The following SH2B1 variants were observed in gnomAD, a reference collection of about 807,000 sequenced individuals.
The protein encoded by SH2B1 is SH2B adapter protein 1.
In SH2B1, 15 loss-of-function variants were observed where a neutral mutation model predicts 62.6. That is an observed-to-expected ratio of 0.24 (90% CI 0.16 to 0.37). The LOEUF is 0.37. Among genes scored for constraint, SH2B1 ranks in the 10% least tolerant of loss-of-function variants. SH2B1 has a pLI of 1.00. For synonymous variants in SH2B1, 443 were observed against 438.0 expected, an observed-to-expected ratio of 1.01 and a Z score of -0.14; for missense variants, 925 against 1,015.6, an observed-to-expected ratio of 0.91 and a Z score of 1.21.
At position 28,872,893 on chromosome 16, in the gene SH2B1, A is replaced by G. The variant is rs1421723496; in HGVS notation, c.1897+188A>G. 2 of 798,406 alleles carry G rather than the reference A, an allele frequency of 2.5e-6. No individual in the cohort carries two copies. The highest frequency in any genetic ancestry group is 3.4e-5 in the African/African-American group (2 of 58,202). 49.5% of individuals were successfully genotyped at this position (798,406 alleles called of 1,614,324 possible). ...AGAAATGCGCTGATAGGACACAGGA[A>G]GGCAGAAGGCTCCTGGCCGGAGCCG... On this transcript the variant is annotated intron_variant, in intron 7 of 7. Transcript: ENST00000684370. The surrounding 1 kb of genome is among the most constrained non-coding windows in gnomAD (Gnocchi z 5.3).
chr16:28,852,691 TTTA>T (rs1386914370), intron 1 of SH2B1, among the ~76,000 whole-genome samples: 1 of 80,842 alleles, frequency 1.2e-5, no homozygotes, highest in Non-Finnish European at 2.2e-5. Flanking sequence ...TACATATATA[TTTA>T]TATATATACA....
At chr16:28,867,860 G>T (rs987004522) in intron 2 of SH2B1, among the ~76,000 whole-genome samples, 2 of 152,188 alleles carry the variant, frequency 1.3e-5, no homozygotes, top group Non-Finnish European at 2.9e-5. Context: ...ATAGAGCCTT[G>T]CTCTGCCGCA....
upstream of SH2B1, chr16:28,863,412 C>G (rs1346780330): frequency 2.4e-6 from 1 of 422,222 alleles, no homozygotes; most frequent in Non-Finnish European, 4.3e-6. Flanking sequence ...TCGCTCAGCT[C>G]CTTGGTGGCG....
rs1415203713 is a variant in SH2B1, at chr16:28,864,134, T to G, written c.-1961T>G. 1.4e-5 allele frequency: 17 copies of G among 1,191,882 alleles called. No homozygotes were observed. Among genetic ancestry groups the G allele is most frequent in the Non-Finnish European group, 1.8e-5 (17 of 954,204 alleles). The allele number at this position is 1,191,882 out of a possible 1,614,324, so 73.8% of individuals were successfully genotyped here. ...GATGCGGCCCCGGAAAATGGGCGGC[T>G]GGGGGGTGTCCAGGGAGTAGGGTCG... On this transcript the variant is annotated 5_prime_UTR_variant, in exon 1 of 8. Coordinates refer to ENST00000684370, the MANE Select transcript of SH2B1 (RefSeq NM_001387430.1).
In SH2B1 at chr16:28,865,226, C is replaced by CT; in HGVS notation, c.-868dup. On this transcript the variant is annotated 5_prime_UTR_variant, in exon 1 of 8. Transcript: ENST00000684370. ...CAACCCAGTTTCTCCTCTGGGGCCC[C>CT]TGCGGCCTCTGGCCCCAGACTGAAG... The CT allele has an allele frequency of 1.0e-6, 1 of 985,634 alleles. No homozygotes were observed. The highest frequency in any genetic ancestry group is 1.7e-5 in the African/African-American group (1 of 57,374). 61.1% of individuals were successfully genotyped at this position (985,634 alleles called of 1,614,324 possible).
chr16:28,859,872 C>G (rs1002592774), upstream of SH2B1, among the ~76,000 whole-genome samples: 1 of 102,094 alleles, frequency 9.8e-6, no homozygotes, highest in East Asian at 2.7e-4. Flanking sequence ...CAATAGACCC[C>G]CCCCCCCCGG....
At position 28,864,557 on chromosome 16, in the gene SH2B1, G is replaced by C; in HGVS notation, c.-1538G>C. 1 of 985,748 alleles carries C rather than the reference G, an allele frequency of 1.0e-6. No homozygotes were observed. 61.1% of individuals were successfully genotyped at this position (985,748 alleles called of 1,614,324 possible). On this transcript the variant is annotated 5_prime_UTR_variant, in exon 1 of 8. Coordinates refer to ENST00000684370, the MANE Select transcript of SH2B1 (RefSeq NM_001387430.1). ...TTGTAGGGTCGAGGCCCAGGAGGAA[G>C]GGGAGGGTTCACCGACTTACAGCCT... is the stretch of plus-strand genomic sequence containing the variant.
intron 1 of SH2B1, among the ~76,000 whole-genome samples, chr16:28,852,838 ATACATATATAT>A (rs1436625891): frequency 2.1e-5 from 1 of 46,964 alleles, no homozygotes; most frequent in African/African-American, 8.5e-5. Context: ...TTATATATAT[ATACATATATAT>A]ATTTTTATAT....
chr16:28,857,048 C>T (rs916095453), intron 1 of SH2B1, among the ~76,000 whole-genome samples: 12 of 152,110 alleles, frequency 7.9e-5, no homozygotes, highest in African/African-American at 2.9e-4. Flanking sequence ...TTTGGGAGGC[C>T]GAGGTGGGAG....
At chr16:28,856,497 TG>T (rs1962327070) in intron 1 of SH2B1, among the ~76,000 whole-genome samples, 1 of 152,052 alleles carries the variant, frequency 6.6e-6, no homozygotes, top group African/African-American at 2.4e-5. Flanking sequence ...ATCTACAAAT[TG>T]GGGGTGGAGG....
rs757325303 is a variant in SH2B1, at chr16:28,871,817, C to T, written c.1347C>T (p.Ser449=). ...GCCTCTCAGACCGCCCCTCGGCATC[C>T]ATCTCCCCCAGCTCTGCCTCCATTG... ...YGGLSDRPSA[S]ISPSSASIAA... The change falls in exon 5 of 8, where the codon TCC becomes TCT. Residue 449 remains serine, a synonymous_variant. Coordinates refer to ENST00000684370, the MANE Select transcript of SH2B1 (RefSeq NM_001387430.1). 5 of 1,613,986 alleles carry T rather than the reference C, an allele frequency of 3.1e-6. No homozygotes were observed. In the African/African-American group the frequency reaches 4.0e-5, roughly 13 times the overall value.
chr16:28,859,550 A>T (rs572465513), upstream of SH2B1, among the ~76,000 whole-genome samples: 1 of 152,126 alleles, frequency 6.6e-6, no homozygotes, highest in Admixed American at 6.6e-5. Context: ...CCTGAGAATG[A>T]AGACAGTCCA....
upstream of SH2B1, chr16:28,863,659 C>G (rs1374239858): frequency 1.3e-5 from 20 of 1,532,152 alleles, no homozygotes; most frequent in Non-Finnish European, 1.7e-5. Context: ...CGTCTGTGGT[C>G]GCTTTTAGGT....
chr16:28,868,552 C>T (rs934752075), intron 2 of SH2B1, among the ~76,000 whole-genome samples: 9 of 152,012 alleles, frequency 5.9e-5, no homozygotes, highest in Admixed American at 2.0e-4. Flanking sequence ...CTCCGCCTCC[C>T]GGGTTCAAGC....
intron 1 of SH2B1, among the ~76,000 whole-genome samples, chr16:28,850,519 T>C (rs1962070418): frequency 1.3e-5 from 2 of 151,932 alleles, no homozygotes; most frequent in Admixed American, 1.3e-4. Flanking sequence ...TGAGCAATGA[T>C]AGCACCACTG....
At chr16:28,855,300 A>C (rs1962294723) in intron 1 of SH2B1, among the ~76,000 whole-genome samples, 1 of 148,530 alleles carries the variant, frequency 6.7e-6, no homozygotes, top group Non-Finnish European at 1.5e-5. Context: ...GCTCATTGCA[A>C]CCTCCACCTC....
upstream of SH2B1, chr16:28,863,401 C>G: frequency 2.6e-6 from 1 of 386,610 alleles, no homozygotes; most frequent in Non-Finnish European, 4.7e-6. Flanking sequence ...CGCTTCTTTC[C>G]TCGCTCAGCT....
Position 28,872,186 on chromosome 16 carries a change from G to A in SH2B1, c.1514-4G>A. On this transcript the variant is annotated splice_polypyrimidine_tract_variant and splice_region_variant and intron_variant, in intron 5 of 7. Coordinates refer to ENST00000684370, the MANE Select transcript of SH2B1 (RefSeq NM_001387430.1). This position sits in a 1 kb window ranked among gnomAD's most constrained non-coding sequence, Gnocchi z 5.3. ...CGGTTTCCCTCCCTCTCTCCTTCCTGAAGGGTCCTTCCTGTTCCAGGGGGA... is the reference window on the plus strand; with the variant it reads ...CGGTTTCCCTCCCTCTCTCCTTCCTAAAGGGTCCTTCCTGTTCCAGGGGGA... The A allele has an allele frequency of 6.2e-7, 1 of 1,611,194 alleles. No individual in the cohort carries two copies. The highest frequency in any genetic ancestry group is 1.1e-5 in the South Asian group (1 of 90,900).
chr16:28,873,007 C>G lies in SH2B1; in HGVS notation c.1897+302C>G. ...GTCTGTCTCCTGGACCCATCCTGGC[C>G]TCGTCTTTGCCCTCCGTCGCAGCCT... On this transcript the variant is annotated intron_variant, in intron 7 of 7. Coordinates refer to ENST00000684370, the MANE Select transcript of SH2B1 (RefSeq NM_001387430.1). This position sits in a 1 kb window ranked among gnomAD's most constrained non-coding sequence, Gnocchi z 4.2. The G allele has an allele frequency of 1.6e-6, 1 of 643,460 alleles. No individual in the cohort carries two copies. Among genetic ancestry groups the G allele is most frequent in the South Asian group, 1.9e-5 (1 of 51,800 alleles). 39.9% of individuals were successfully genotyped at this position (643,460 alleles called of 1,614,324 possible).
Sources: allele counts gnomAD v4.1 joint callset (sites outside exome capture counted in the v4.1 genomes callset), GRCh38; gene constraint gnomAD v4.1.1; non-coding constraint Gnocchi (gnomAD v3.1); transcripts MANE v1.5; gene names NCBI Gene and HGNC (gene_info 2026-07-23, HGNC 2026-07-21).